Variants in ACBD6 observed in about 807,000 individuals in gnomAD.
ACBD6 encodes the protein acyl-CoA-binding domain-containing protein 6.
A neutral mutation model predicts 37.2 loss-of-function variants in ACBD6; 28 were observed. The observed-to-expected ratio is 0.75, with a 90% CI of 0.56 to 1.03. ACBD6 has a LOEUF of 1.03. Ranked by LOEUF, ACBD6 falls within the 50% of genes least tolerant of loss-of-function variation. The pLI is 0.00. For missense variants in ACBD6, 340 were observed against 337.4 expected (o/e 1.01, Z -0.06); for synonymous variants, 113 against 126.8 (o/e 0.89, Z 0.73).
chr1:180,462,545 T>A (rs1026565598), intron 3 of ACBD6, among the ~76,000 whole-genome samples: 5 of 152,256 alleles, frequency 3.3e-5, no homozygotes, highest in Non-Finnish European at 7.4e-5. Flanking sequence ...CCTAAATATA[T>A]ATGCACCCAA....
intron 7 of ACBD6, among the ~76,000 whole-genome samples, chr1:180,289,227 C>A (rs1167152272): frequency 6.6e-6 from 1 of 152,112 alleles, no homozygotes; most frequent in Non-Finnish European, 1.5e-5. Flanking sequence ...AAACTTAATT[C>A]ATGACAAAGC....
At chr1:180,399,365 T>C (rs1647249188) in intron 5 of ACBD6, among the ~76,000 whole-genome samples, 1 of 152,062 alleles carries the variant, frequency 6.6e-6, no homozygotes, top group African/African-American at 2.4e-5. Context: ...GCCTTCCGGT[T>C]TCAAGCAGTT....
intron 6 of ACBD6, among the ~76,000 whole-genome samples, chr1:180,388,175 C>CAA (rs34156282): frequency 1.2e-4 from 13 of 111,168 alleles, no homozygotes; most frequent in African/African-American, 1.9e-4. Flanking sequence ...GACTCCGTCT[C>CAA]AAAAAAAAAA....
chr1:180,424,057 A>T (rs868149343), intron 4 of ACBD6, among the ~76,000 whole-genome samples: 15 of 152,268 alleles, frequency 9.9e-5, no homozygotes, highest in African/African-American at 3.4e-4. Context: ...AACTGAAGAT[A>T]CTCACCATAT....
At chr1:180,333,199 A>C (rs929218140) in intron 6 of ACBD6, among the ~76,000 whole-genome samples, 52 of 152,218 alleles carry the variant, frequency 3.4e-4, no homozygotes, top group African/African-American at 1.3e-3. Flanking sequence ...AATTATACGT[A>C]ACATAATTTT....
chr1:180,298,090 T>A (rs896250677), intron 7 of ACBD6, among the ~76,000 whole-genome samples: 1 of 152,052 alleles, frequency 6.6e-6, no homozygotes, highest in Non-Finnish European at 1.5e-5. Context: ...TTCTGAAGGG[T>A]TTTATCATGA....
At chr1:180,442,271 AG>A (rs1161252109) in intron 3 of ACBD6, among the ~76,000 whole-genome samples, 2 of 149,120 alleles carry the variant, frequency 1.3e-5, no homozygotes, top group Non-Finnish European at 3.0e-5. Flanking sequence ...GGTTTATGGC[AG>A]TGACTCTCAA....
intron 3 of ACBD6, among the ~76,000 whole-genome samples, chr1:180,469,121 C>A (rs1650462614): frequency 6.6e-6 from 1 of 152,166 alleles, no homozygotes; most frequent in South Asian, 2.1e-4. Flanking sequence ...GAAATTCAGA[C>A]CCAAATCTGT....
At chr1:180,459,791 T>A (rs1650061345) in intron 3 of ACBD6, among the ~76,000 whole-genome samples, 1 of 152,130 alleles carries the variant, frequency 6.6e-6, no homozygotes, top group Non-Finnish European at 1.5e-5. Context: ...CACATCCAGA[T>A]ATATACTCTT....
chr1:180,416,339 T>G (rs72714877), intron 4 of ACBD6, among the ~76,000 whole-genome samples: 24,021 of 152,142 alleles, frequency 0.16, 1,953 homozygotes, highest in Middle Eastern at 0.22. Context: ...CCTTCCATAG[T>G]CAATCTTGCC....
intron 6 of ACBD6, among the ~76,000 whole-genome samples, chr1:180,319,329 T>G (rs1184076836): frequency 6.6e-6 from 1 of 152,202 alleles, no homozygotes; most frequent in Non-Finnish European, 1.5e-5. Flanking sequence ...CTTTAATTTT[T>G]CCTCACTGTT....
chr1:180,270,240 T>TAACA (rs1055046699), exon 14 of ACBD6: 12 of 152,250 alleles, frequency 7.9e-5, no homozygotes, highest in Admixed American at 1.3e-4. Flanking sequence ...TGGTAGGTGC[T>TAACA]AACACATGTT....
chr1:180,388,693 G>A (rs1175536569), intron 6 of ACBD6, among the ~76,000 whole-genome samples: 1 of 151,680 alleles, frequency 6.6e-6, no homozygotes, highest in Non-Finnish European at 1.5e-5. Flanking sequence ...CTCCTGCCTT[G>A]GCCTTCCAAA....
intron 6 of ACBD6, among the ~76,000 whole-genome samples, chr1:180,323,038 A>T (rs1360351299): frequency 6.6e-6 from 1 of 151,730 alleles, no homozygotes; most frequent in African/African-American, 2.4e-5. Flanking sequence ...TGTATCTTAC[A>T]GGTTTTGGTA....
chr1:180,346,097 T>C (rs967835147), intron 6 of ACBD6, among the ~76,000 whole-genome samples: 1 of 152,086 alleles, frequency 6.6e-6, no homozygotes, highest in Non-Finnish European at 1.5e-5. Flanking sequence ...ATGAGGGATA[T>C]AGGTAGCAAG....
At chr1:180,489,072 A>G (rs1474656415) in intron 3 of ACBD6, among the ~76,000 whole-genome samples, 2 of 152,162 alleles carry the variant, frequency 1.3e-5, no homozygotes, top group African/African-American at 4.8e-5. Flanking sequence ...AGGCTGAGGC[A>G]GAAGAATTGT....
At chr1:180,396,505 G>C (rs1451139633) in intron 6 of ACBD6, among the ~76,000 whole-genome samples, 2 of 151,968 alleles carry the variant, frequency 1.3e-5, no homozygotes, top group Admixed American at 6.6e-5. Context: ...AAAATAAAGA[G>C]AAAACCCACA....
chr1:180,274,316 G>A (rs940478683), intron 10 of ACBD6: 2 of 1,614,100 alleles, frequency 1.2e-6, no homozygotes, highest in African/African-American at 1.3e-5. Context: ...GGACTTGAGG[G>A]ATGGGAGCCC....
intron 7 of ACBD6, among the ~76,000 whole-genome samples, chr1:180,299,220 A>C (rs961180943): frequency 6.6e-6 from 1 of 152,244 alleles, no homozygotes; most frequent in African/African-American, 2.4e-5. Flanking sequence ...GTCATCTTTC[A>C]GAAATGTGTA....
Sources: gnomAD v4.1 joint callset for allele counts (sites outside exome capture counted in the v4.1 genomes callset) on GRCh38, gnomAD v4.1.1 for gene constraint, MANE v1.5 for transcripts, NCBI Gene and HGNC (gene_info 2026-07-23, HGNC 2026-07-21) for gene names.